C1orf226: variants seen among roughly 807,000 people sequenced by gnomAD.
C1orf226 encodes chromosome 1 open reading frame 226, also known as uncharacterized protein C1orf226.
Under a neutral mutation model 10.5 loss-of-function variants are expected in C1orf226, and 4 were observed. The ratio of observed to expected loss-of-function variants is 0.38; its 90% confidence interval spans 0.19 to 0.87. C1orf226 has a LOEUF of 0.87. Ranked by LOEUF, C1orf226 falls within the 40% of genes least tolerant of loss-of-function variation. C1orf226 has a pLI of 0.41. For synonymous variants in C1orf226, 125 were observed against 139.3 expected (o/e 0.90, Z 0.72); for missense variants, 313 against 336.2 (o/e 0.93, Z 0.54).
chr1:162,382,410 TTGCTGAG>T (rs1335142219), intron 1 of C1orf226, among the ~76,000 whole-genome samples, 192 bp downstream of exon 1: 1 of 152,106 alleles, frequency 6.6e-6, no homozygotes, highest in Non-Finnish European at 1.5e-5. Flanking sequence ...CAGCTGAAGG[TTGCTGAG>T]TGCCCACCAT....
In C1orf226 at chr1:162,383,168, C is replaced by T; in HGVS notation, c.318-14C>T. 3 of 1,545,646 alleles carry T rather than the reference C, an allele frequency of 1.9e-6. No homozygotes were observed. Among genetic ancestry groups the T allele is most frequent in the South Asian group, 1.3e-5 (1 of 78,772 alleles). ...TCCTTAAGGCATGTGTGTTTATTGTCATTAACCTTACAGGTCAGTCCTGCA... is the reference window on the plus strand; with the variant it reads ...TCCTTAAGGCATGTGTGTTTATTGTTATTAACCTTACAGGTCAGTCCTGCA... On this transcript the variant is annotated splice_polypyrimidine_tract_variant and intron_variant, in intron 1 of 1. Coordinates refer to ENST00000458626, the MANE Select transcript of C1orf226 (RefSeq NM_001085375.2).
rs2101850017 is a variant in C1orf226, at chr1:162,385,598, C to G, written c.*1915C>G. 1 of 152,380 alleles carries G rather than the reference C, an allele frequency of 6.6e-6. No individual in the cohort carries two copies. The highest frequency in any genetic ancestry group is 2.1e-4 in the South Asian group (1 of 4,828). 9.4% of individuals were successfully genotyped at this position (152,380 alleles called of 1,614,324 possible). ...CTTTCTCACTCTAAGGATGTGATAT[C>G]TGACCCTGATGTCAGAGAGGAGGTC... is the stretch of plus-strand genomic sequence containing the variant. On this transcript the variant is annotated 3_prime_UTR_variant, in exon 2 of 2. Coordinates refer to ENST00000458626, the MANE Select transcript of C1orf226 (RefSeq NM_001085375.2).
rs1427070218 is a variant in C1orf226, at chr1:162,383,767, T to G, written c.*84T>G. ...TGCGCACACTGGCCCTGGCCTCAAC[T>G]CCGCTGTGCCCTTTGTCTTCCTTGT... On this transcript the variant is annotated 3_prime_UTR_variant, in exon 2 of 2. Coordinates refer to ENST00000458626, the MANE Select transcript of C1orf226 (RefSeq NM_001085375.2). 1 of 1,357,916 alleles carries G rather than the reference T, an allele frequency of 7.4e-7. No homozygotes were observed. The highest frequency in any genetic ancestry group is 9.8e-7 in the Non-Finnish European group (1 of 1,018,840). The allele number at this position is 1,357,916 out of a possible 1,614,324, so 84.1% of individuals were successfully genotyped here. A position where few individuals can be genotyped will look rare whatever the true frequency, so the allele number is the denominator to read the frequency against.
Position 162,385,000 on chromosome 1 carries a change from G to C in C1orf226, c.*1317G>C, listed in dbSNP as rs1287772647. 1.3e-5 allele frequency: 2 copies of C among 152,720 alleles called. No homozygotes were observed. The highest frequency in any genetic ancestry group is 2.9e-5 in the Non-Finnish European group (2 of 68,140). The allele number at this position is 152,720 out of a possible 1,614,324, so 9.5% of individuals were successfully genotyped here. On this transcript the variant is annotated 3_prime_UTR_variant, in exon 2 of 2. Coordinates refer to ENST00000458626, the MANE Select transcript of C1orf226 (RefSeq NM_001085375.2). Reference sequence around the variant, plus strand: ...TTAGGTCTCCCACCAGGGGCCTATTGTGCTGTCTTCCTGTGACCAGCAGAT... The same window carrying C: ...TTAGGTCTCCCACCAGGGGCCTATTCTGCTGTCTTCCTGTGACCAGCAGAT...
At position 162,383,872 on chromosome 1, in the gene C1orf226, G is replaced by T. The variant is rs896537087; in HGVS notation, c.*189G>T. On this transcript the variant is annotated 3_prime_UTR_variant, in exon 2 of 2. Coordinates refer to ENST00000458626, the MANE Select transcript of C1orf226 (RefSeq NM_001085375.2). ...GTCCTTGAGTAGTTCTAGTTAAAGAGTCTATCCGCAGAATGGCTGAAGGAC... is the reference window on the plus strand; with the variant it reads ...GTCCTTGAGTAGTTCTAGTTAAAGATTCTATCCGCAGAATGGCTGAAGGAC... 10 of 604,014 alleles carry T rather than the reference G, an allele frequency of 1.7e-5. No homozygotes were observed. In the African/African-American group the frequency reaches 1.8e-4, roughly 11 times the overall value. The allele number at this position is 604,014 out of a possible 1,614,324, so 37.4% of individuals were successfully genotyped here.
chr1:162,381,636 A>C, upstream of C1orf226: 1 of 1,272,650 alleles, frequency 7.9e-7, no homozygotes, highest in Non-Finnish European at 1.0e-6. Flanking sequence ...GTTTACAGGA[A>C]CAACTTTATT....
rs1289994060 is a variant in C1orf226, at chr1:162,382,187, G to A, written c.286G>A (p.Ala96Thr). 8 of 1,584,112 alleles carry A rather than the reference G, an allele frequency of 5.1e-6. No individual in the cohort carries two copies. Among genetic ancestry groups the A allele is most frequent in the South Asian group, 2.3e-5 (2 of 86,280 alleles). The change falls in exon 1 of 2, where the codon GCG becomes ACG. Residue 96 changes from alanine to threonine, a missense_variant. Physicochemically the swap from Ala to Thr is moderately conservative, Grantham distance 58. Coordinates refer to ENST00000458626, the MANE Select transcript of C1orf226 (RefSeq NM_001085375.2). ...AGCACAGCTGGCCAGTGGGACTGAC[G>A]CGGCTCCAGAGGCTTGGCTAGAGGA... ...AGAQLASGTD[A>T]APEAWLEDER...
Position 162,381,938 on chromosome 1 carries a change from C to G in C1orf226, c.37C>G (p.Leu13Val), listed in dbSNP as rs1368795541. ...ENLNTALTPK[L>V]QASRSFPHLS... The stretch of plus-strand genomic sequence containing the variant: ...TTTGAACACAGCCCTCACTCCAAAG[C>G]TCCAGGCCAGCCGCTCCTTCCCCCA... The change falls in exon 1 of 2, where the codon CTC (leucine) becomes GTC (valine). Residue 13 changes from leucine (L) to valine (V), a missense_variant. Physicochemically the swap from Leu to Val is conservative, Grantham distance 32. Transcript: ENST00000458626. 2 of 1,612,830 alleles carry G rather than the reference C, an allele frequency of 1.2e-6. No individual in the cohort carries two copies. The highest frequency in any genetic ancestry group is 8.5e-7 in the Non-Finnish European group (1 of 1,179,910).
In C1orf226 at chr1:162,383,071, A is replaced by G. The variant is rs541948769; in HGVS notation, c.318-111A>G. 3.9e-5 allele frequency: 40 copies of G among 1,031,892 alleles called. 1 individual carries two copies. The Admixed American group carries it at 9.8e-4, about 25-fold the overall frequency. 63.9% of individuals were successfully genotyped at this position (1,031,892 alleles called of 1,614,324 possible). A position where few individuals can be genotyped will look rare whatever the true frequency, so the allele number is the denominator to read the frequency against. The stretch of plus-strand genomic sequence containing the variant: ...CCAGAGCCCAAGGAGTAGAGCAGTT[A>G]TTGGGTGGGGTGGGTTGAAAGTGCA... On this transcript the variant is annotated intron_variant, in intron 1 of 1. Transcript: ENST00000458626.
At chr1:162,380,417 G>A (rs1158526267), upstream of C1orf226, among the ~76,000 whole-genome samples, 1 of 152,216 alleles carries the variant, frequency 6.6e-6, no homozygotes, top group Non-Finnish European at 1.5e-5. Context: ...CACAAGAAAG[G>A]TTTTCACTGG....
At position 162,382,001 on chromosome 1, in the gene C1orf226, G is replaced by C. The variant is rs1350031263; in HGVS notation, c.100G>C (p.Gly34Arg). The C allele has an allele frequency of 1.2e-6, 2 of 1,612,574 alleles. No homozygotes were observed. The highest frequency in any genetic ancestry group is 1.7e-6 in the Non-Finnish European group (2 of 1,179,782). The change falls in exon 1 of 2, where the codon GGC becomes CGC. Residue 34 changes from glycine (G) to arginine (R), a missense_variant. Gly to Arg is a moderately radical substitution (Grantham distance 125). Coordinates refer to ENST00000458626, the MANE Select transcript of C1orf226 (RefSeq NM_001085375.2). Reference protein sequence around the residue: ...KPVAPGSAPLGSGEPGGPGLW... With the variant: ...KPVAPGSAPLRSGEPGGPGLW... Reference sequence around the variant, plus strand: ...CGTGGCCCCCGGCTCTGCCCCTCTGGGCTCTGGTGAGCCTGGGGGGCCAGG... The same window carrying C: ...CGTGGCCCCCGGCTCTGCCCCTCTGCGCTCTGGTGAGCCTGGGGGGCCAGG...
In C1orf226 at chr1:162,381,742, A is replaced by G; in HGVS notation, c.-160A>G. The stretch of plus-strand genomic sequence containing the variant: ...TCAAGAAAACTACACTGGAAAGTTC[A>G]AGAGTGTCTTTGCTGGCTCTTTCTT... On this transcript the variant is annotated 5_prime_UTR_variant, in exon 1 of 2. Coordinates refer to ENST00000458626, the MANE Select transcript of C1orf226 (RefSeq NM_001085375.2). 2 of 1,459,910 alleles carry G rather than the reference A, an allele frequency of 1.4e-6. No individual in the cohort carries two copies. The highest frequency in any genetic ancestry group is 1.8e-6 in the Non-Finnish European group (2 of 1,110,592). The allele number at this position is 1,459,910 out of a possible 1,614,324, so 90.4% of individuals were successfully genotyped here.
chr1:162,383,572 G>C lies in C1orf226; in HGVS notation c.708G>C (p.Leu236Phe), dbSNP rs183820691. 1 of 1,605,316 alleles carries C rather than the reference G, an allele frequency of 6.2e-7. No individual in the cohort carries two copies. The highest frequency in any genetic ancestry group is 1.3e-5 in the African/African-American group (1 of 74,792). The change falls in exon 2 of 2, where the codon TTG becomes TTC. Residue 236 changes from leucine (L) to phenylalanine (F), a missense_variant. Leu to Phe is a conservative substitution (Grantham distance 22, BLOSUM62 0). Coordinates refer to ENST00000458626, the MANE Select transcript of C1orf226 (RefSeq NM_001085375.2). ...LIERNGFKLS[L>F]SPISLAESWE... ...AGAGGAATGGCTTCAAACTCAGCTT[G>C]AGCCCCATCAGCCTGGCTGAGTCCT... is the stretch of plus-strand genomic sequence containing the variant.
intron 1 of C1orf226, among the ~76,000 whole-genome samples, chr1:162,382,870 T>C (rs1647964193): frequency 6.6e-6 from 1 of 152,232 alleles, no homozygotes; most frequent in African/African-American, 2.4e-5. Context: ...TCACATTCCC[T>C]GTTTTAAACA....
rs1427070218 is a variant in C1orf226, at chr1:162,383,767, T to C, written c.*84T>C. On this transcript the variant is annotated 3_prime_UTR_variant, in exon 2 of 2. Coordinates refer to ENST00000458626, the MANE Select transcript of C1orf226 (RefSeq NM_001085375.2). Reference sequence around the variant, plus strand: ...TGCGCACACTGGCCCTGGCCTCAACTCCGCTGTGCCCTTTGTCTTCCTTGT... The same window carrying C: ...TGCGCACACTGGCCCTGGCCTCAACCCCGCTGTGCCCTTTGTCTTCCTTGT... The C allele has an allele frequency of 1.5e-6, 2 of 1,358,034 alleles. No individual in the cohort carries two copies. Among genetic ancestry groups the C allele is most frequent in the Admixed American group, 5.2e-5 (2 of 38,542 alleles). 84.1% of individuals were successfully genotyped at this position (1,358,034 alleles called of 1,614,324 possible).
upstream of C1orf226, among the ~76,000 whole-genome samples, chr1:162,381,145 C>G (rs559464733): frequency 6.6e-6 from 1 of 152,306 alleles, no homozygotes; most frequent in South Asian, 2.1e-4. Flanking sequence ...GCTGTGTGAC[C>G]TCAGGCACGG....
chr1:162,381,640 C>T (rs1183893762), upstream of C1orf226: 4 of 1,304,134 alleles, frequency 3.1e-6, no homozygotes, highest in African/African-American at 1.5e-5. Context: ...ACAGGAACAA[C>T]TTTATTTTTT....
At chr1:162,379,052 G>A (rs1412589008), upstream of C1orf226, 3 of 1,483,904 alleles carry the variant, frequency 2.0e-6, no homozygotes, top group South Asian at 1.2e-5. Flanking sequence ...CTGTTTTTTT[G>A]TGGATGACTT....
At chr1:162,382,670 C>G (rs1185485331) in intron 1 of C1orf226, among the ~76,000 whole-genome samples, 1 of 152,196 alleles carries the variant, frequency 6.6e-6, no homozygotes, top group East Asian at 1.9e-4. Flanking sequence ...CAGGTAGATT[C>G]TGATGCCCGG....
Sources: gnomAD v4.1 joint callset for allele counts (sites outside exome capture counted in the v4.1 genomes callset) on GRCh38, gnomAD v4.1.1 for gene constraint, MANE v1.5 for transcripts, NCBI Gene and HGNC (gene_info 2026-07-23, HGNC 2026-07-21) for gene names.